DPP10: variants seen among roughly 807,000 people sequenced by gnomAD.
DPP10 encodes dipeptidyl peptidase like 10, also known as inactive dipeptidyl peptidase 10.
In DPP10, 33 loss-of-function variants were observed where a neutral mutation model predicts 120.9. The ratio of observed to expected loss-of-function variants is 0.27; its 90% confidence interval spans 0.21 to 0.37. The LOEUF (loss-of-function observed/expected upper bound fraction) is 0.37, where lower values mean the gene tolerates loss of function less well. Ranked by LOEUF, DPP10 falls within the 10% of genes least tolerant of loss-of-function variation. DPP10 has a pLI of 1.00. For synonymous variants in DPP10, 337 were observed against 326.1 expected, an observed-to-expected ratio of 1.03 and a Z score of -0.36; for missense variants, 816 against 942.8, an observed-to-expected ratio of 0.87 and a Z score of 1.76.
intron 1 of DPP10, among the ~76,000 whole-genome samples, chr2:114,836,961 T>A (rs187386421): frequency 3.3e-5 from 5 of 152,350 alleles, no homozygotes; most frequent in Admixed American, 1.3e-4. Context: ...TTTAAGGTTA[T>A]CTCTCTTGTT....
At chr2:115,631,290 G>C (rs1328674463) in intron 5 of DPP10, among the ~76,000 whole-genome samples, 1 of 151,758 alleles carries the variant, frequency 6.6e-6, no homozygotes, top group African/African-American at 2.4e-5. Flanking sequence ...ATTTTTTATT[G>C]TGTCTATATG....
At chr2:114,702,818 C>A (rs993611520) in intron 1 of DPP10, among the ~76,000 whole-genome samples, 1 of 152,070 alleles carries the variant, frequency 6.6e-6, no homozygotes, top group Non-Finnish European at 1.5e-5. Context: ...TAACCTCAGA[C>A]CAACCAGCTG....
intron 1 of DPP10, among the ~76,000 whole-genome samples, chr2:114,764,638 TG>T (rs1680558796): frequency 6.6e-6 from 1 of 151,870 alleles, no homozygotes; most frequent in African/African-American, 2.4e-5. Flanking sequence ...AAAAATTATA[TG>T]TATACAAATA....
chr2:115,221,803 G>T (rs187267695), intron 1 of DPP10, among the ~76,000 whole-genome samples: 14 of 141,214 alleles, frequency 9.9e-5, no homozygotes, highest in African/African-American at 3.7e-4. Context: ...GAAAACCATG[G>T]TCTATAAGAT....
At chr2:115,019,292 A>C (rs769374097) in intron 1 of DPP10, among the ~76,000 whole-genome samples, 1 of 152,216 alleles carries the variant, frequency 6.6e-6, no homozygotes, top group Non-Finnish European at 1.5e-5. Flanking sequence ...AAAAGAAAGG[A>C]ACATTCTTCA....
In DPP10 at chr2:114,659,465, T is replaced by A. The variant is rs931014590; in HGVS notation, c.60+216627T>A. 4.6e-5 allele frequency among the ~76,000 whole-genome samples: 7 copies of A among 152,094 alleles called. No homozygotes were observed. The South Asian group carries it at 6.2e-4, about 13-fold the overall frequency. ...GGAGACAGAGCATTATTTCTGACTT[T>A]AAAAAAATCCCCACACAAAGCCAAG... On this transcript the variant is annotated intron_variant, in intron 1 of 25. Transcript: ENST00000410059.
chr2:115,805,653 C>A (rs1301795729), intron 19 of DPP10, among the ~76,000 whole-genome samples: 1 of 151,270 alleles, frequency 6.6e-6, no homozygotes, highest in Non-Finnish European at 1.5e-5. Flanking sequence ...TGGCTCACTG[C>A]AACCTCTGCC....
intron 1 of DPP10, among the ~76,000 whole-genome samples, chr2:114,607,313 C>T (rs1434893516): frequency 6.6e-6 from 1 of 152,110 alleles, no homozygotes; most frequent in Non-Finnish European, 1.5e-5. Flanking sequence ...TGGATAGATA[C>T]AACTGAGGGA....
At position 114,895,672 on chromosome 2, in the gene DPP10, G is replaced by T. The variant is rs116409419; in HGVS notation, c.61-413567G>T. Among the ~76,000 whole-genome samples, 912 of 152,178 alleles carry T rather than the reference G, an allele frequency of 6.0e-3. 6 individuals carry two copies. The highest frequency in any genetic ancestry group is 0.021 in the African/African-American group (871 of 41,518). On this transcript the variant is annotated intron_variant, in intron 1 of 25. Coordinates refer to ENST00000410059, the MANE Select transcript of DPP10 (RefSeq NM_020868.6). ...TTTGATCACGTCATGAACATTTTTTGTTTTAAGCCACTTTGGTTTCGAACT... is the reference window on the plus strand; with the variant it reads ...TTTGATCACGTCATGAACATTTTTTTTTTTAAGCCACTTTGGTTTCGAACT...
intron 1 of DPP10, among the ~76,000 whole-genome samples, chr2:115,241,255 C>T (rs1425159924): frequency 1.3e-5 from 2 of 149,694 alleles, no homozygotes; most frequent in East Asian, 2.0e-4. Context: ...GGCGACAGAG[C>T]GAGACTCTAT....
rs923275985 is a variant in DPP10 at position 115,303,107 on chromosome 2, G to A, written c.61-6132G>A. Reference sequence around the variant, plus strand: ...CTCTTACATTCAATTGACTAAAGTTGTCTTTAGTATAATTACATTTATTTC... The same window carrying A: ...CTCTTACATTCAATTGACTAAAGTTATCTTTAGTATAATTACATTTATTTC... On this transcript the variant is annotated intron_variant, in intron 1 of 25. Coordinates refer to ENST00000410059, the MANE Select transcript of DPP10 (RefSeq NM_020868.6). Among the ~76,000 whole-genome samples, 18 of 151,826 alleles carry A rather than the reference G, an allele frequency of 1.2e-4. 1 individual carries two copies. The highest frequency in any genetic ancestry group is 2.7e-4 in the Non-Finnish European group (18 of 67,908).
intron 10 of DPP10, among the ~76,000 whole-genome samples, chr2:115,752,876 A>G (rs956285276): frequency 3.9e-5 from 6 of 152,130 alleles, no homozygotes; most frequent in African/African-American, 4.8e-5. Flanking sequence ...GATTTTTCCA[A>G]GAAATACTTT....
chr2:115,662,074 G>T (rs892817272), intron 5 of DPP10, among the ~76,000 whole-genome samples: 4 of 151,966 alleles, frequency 2.6e-5, no homozygotes, highest in African/African-American at 7.3e-5. Context: ...GCTTCTATAT[G>T]TTTGATGATT....
At chr2:114,598,496 C>T (rs149317803) in intron 1 of DPP10, among the ~76,000 whole-genome samples, 165 of 151,916 alleles carry the variant, frequency 1.1e-3, no homozygotes, top group African/African-American at 3.4e-3. Context: ...TCTATAACTG[C>T]GTTTCAAAGA....
intron 1 of DPP10, among the ~76,000 whole-genome samples, chr2:114,851,800 G>T (rs916904698): frequency 2.0e-5 from 3 of 152,162 alleles, no homozygotes; most frequent in African/African-American, 7.2e-5. Context: ...ACGCATGTCT[G>T]TCTGTAACTA....
At chr2:115,378,018 A>T (rs2065953184) in intron 3 of DPP10, among the ~76,000 whole-genome samples, 1 of 151,760 alleles carries the variant, frequency 6.6e-6, no homozygotes, top group Admixed American at 6.6e-5. Context: ...TTGGCTTAGG[A>T]TTGACTTGGC....
chr2:115,642,662 ATCTC>A (rs143051769), intron 5 of DPP10, among the ~76,000 whole-genome samples: 6 of 150,234 alleles, frequency 4.0e-5, no homozygotes, highest in African/African-American at 1.2e-4. Context: ...CTATCTCTCT[ATCTC>A]TCTCTCTCCC....
chr2:115,695,498 G>T (rs988354744), intron 7 of DPP10, among the ~76,000 whole-genome samples: 3 of 152,088 alleles, frequency 2.0e-5, no homozygotes, highest in Non-Finnish European at 4.4e-5. Context: ...ATGGCAGTGG[G>T]CAGGAGGGCA....
intron 5 of DPP10, among the ~76,000 whole-genome samples, chr2:115,663,965 A>G (rs566406502): frequency 6.6e-6 from 1 of 151,958 alleles, no homozygotes; most frequent in African/African-American, 2.4e-5. Context: ...ATTGCACTCC[A>G]GCCTGTGTGA....
Sources: gnomAD v4.1 joint callset for allele counts (sites outside exome capture counted in the v4.1 genomes callset) on GRCh38, gnomAD v4.1.1 for gene constraint, MANE v1.5 for transcripts, NCBI Gene and HGNC (gene_info 2026-07-23, HGNC 2026-07-21) for gene names.